Variants in ANO4 observed in about 807,000 individuals in gnomAD.
The protein encoded by ANO4 is anoctamin 4.
Under a neutral mutation model 141.9 loss-of-function variants are expected in ANO4, and 69 were observed. The observed-to-expected ratio is 0.49, with a 90% CI of 0.40 to 0.59. The LOEUF is 0.59. ANO4 is among the 20% of genes least tolerant of loss of function. The pLI is 0.00. For synonymous variants in ANO4, 350 were observed against 394.3 expected (o/e 0.89, Z 1.33); for missense variants, 894 against 1,162.2 (o/e 0.77, Z 3.36).
intron 2 of ANO4, among the ~76,000 whole-genome samples, chr12:100,903,683 C>A (rs1229929893): frequency 6.6e-6 from 1 of 152,218 alleles, no homozygotes; most frequent in Non-Finnish European, 1.5e-5. Flanking sequence ...GTCAGGCTAT[C>A]TGCAAGGGCA....
intron 14 of ANO4, among the ~76,000 whole-genome samples, chr12:101,062,102 C>A (rs1450657282): frequency 6.6e-6 from 1 of 152,114 alleles, no homozygotes; most frequent in Non-Finnish European, 1.5e-5. Flanking sequence ...GATGCTGTTC[C>A]TTTCTGTTTG....
intron 24 of ANO4, among the ~76,000 whole-genome samples, chr12:101,112,930 G>T (rs576152273): frequency 6.6e-6 from 1 of 152,314 alleles, no homozygotes; most frequent in East Asian, 1.9e-4. Flanking sequence ...ATTTTGCCCA[G>T]GCATTTCTTT....
upstream of ANO4, chr12:100,717,405 G>A (rs12310954): frequency 0.18 from 66,676 of 369,716 alleles, 6,520 homozygotes; most frequent in East Asian, 0.29. Context: ...CAGCCGCGGA[G>A]CGCCCGGGCG....
intron 1 of ANO4, among the ~76,000 whole-genome samples, chr12:100,868,559 T>C: frequency 6.6e-6 from 1 of 152,186 alleles, no homozygotes; most frequent in East Asian, 1.9e-4. Context: ...CCCTTACTCT[T>C]GGGTTCCTTT....
At chr12:100,961,659 A>T (rs1385307819) in intron 5 of ANO4, among the ~76,000 whole-genome samples, 1 of 152,252 alleles carries the variant, frequency 6.6e-6, no homozygotes, top group Non-Finnish European at 1.5e-5. Context: ...CTAAGATATC[A>T]TTTAAACATA....
intron 2 of ANO4, among the ~76,000 whole-genome samples, chr12:100,919,097 A>G (rs1324843335): frequency 5.9e-5 from 9 of 152,328 alleles, no homozygotes; most frequent in African/African-American, 1.9e-4. Context: ...TTATGGAGCT[A>G]TAAAATGTGT....
intron 1 of ANO4, among the ~76,000 whole-genome samples, chr12:100,857,088 A>C (rs2038211830): frequency 6.6e-6 from 1 of 152,038 alleles, no homozygotes; most frequent in Non-Finnish European, 1.5e-5. Flanking sequence ...CAGTGGAAAA[A>C]CCATCATGGG....
rs567072199 is a variant in ANO4 at position 100,977,068 on chromosome 12, C to T, written c.602+2179C>T. 1.4e-3 allele frequency among the ~76,000 whole-genome samples: 207 copies of T among 152,312 alleles called. 2 individuals are homozygous for T. The highest frequency in any genetic ancestry group is 4.7e-3 in the African/African-American group (195 of 41,568). ...CACATTTATAAAATGATATTAACTT[C>T]TCCCCTGTATGGTTTATGTGAGGTT... On this transcript the variant is annotated intron_variant, in intron 7 of 27. Transcript: ENST00000392977.
chr12:101,066,281 G>C (rs1172037159), intron 14 of ANO4, among the ~76,000 whole-genome samples: 1 of 152,080 alleles, frequency 6.6e-6, no homozygotes, highest in Non-Finnish European at 1.5e-5. Flanking sequence ...ATATGAGAAA[G>C]AAATAAATGG....
intron 1 of ANO4, among the ~76,000 whole-genome samples, chr12:100,729,000 A>C (rs1244658677): frequency 6.6e-6 from 1 of 151,716 alleles, no homozygotes; most frequent in Non-Finnish European, 1.5e-5. Context: ...CTTCCCCGTC[A>C]GTGGAACCAC....
rs1054465481 is a variant in ANO4, at chr12:101,042,412, C to T, written c.1098C>T (p.Phe366=). 3 of 1,614,032 alleles carry T rather than the reference C, an allele frequency of 1.9e-6. No individual in the cohort carries two copies. The African/African-American group carries it at 4.0e-5, about 22-fold the overall frequency. ...WYTGMLFPAA[F]IGLFVFLYGV... is the part of the protein sequence containing the mutation. ...CCGGCATGCTCTTCCCAGCTGCCTT[C>T]ATTGGATTGTTTGTCTTTTTGTATG... Residue 366 remains phenylalanine (F), a synonymous_variant, in exon 12 of 28, where the codon TTC becomes TTT. Transcript: ENST00000392977.
chr12:100,988,872 G>GAAAAAGA (rs2044884338), intron 8 of ANO4, among the ~76,000 whole-genome samples: 1 of 65,042 alleles, frequency 1.5e-5, no homozygotes, highest in Non-Finnish European at 2.9e-5. Context: ...CTCTGTCTCA[G>GAAAAAGA]AAAAAAAAAA....
intron 1 of ANO4, among the ~76,000 whole-genome samples, chr12:100,730,559 A>G (rs373815018): frequency 5.3e-5 from 8 of 152,282 alleles, no homozygotes; most frequent in African/African-American, 1.7e-4. Context: ...CCTTTTTTAA[A>G]ACCAACGAAC....
At chr12:101,108,688 G>A (rs1292972194) in intron 22 of ANO4, among the ~76,000 whole-genome samples, 2 of 151,990 alleles carry the variant, frequency 1.3e-5, no homozygotes. Flanking sequence ...CATTCAAACA[G>A]CCAAATACTT....
chr12:100,991,306 G>A (rs911826691), intron 8 of ANO4, among the ~76,000 whole-genome samples: 1 of 152,008 alleles, frequency 6.6e-6, no homozygotes, highest in Non-Finnish European at 1.5e-5. Context: ...TGACATTAAT[G>A]GATTTAAATT....
At position 101,047,401 on chromosome 12, in the gene ANO4, T is replaced by A. The variant is rs867353589; in HGVS notation, c.1252-940T>A. Among the ~76,000 whole-genome samples the A allele has an allele frequency of 6.6e-4, 100 of 152,286 alleles. 3 individuals carry two copies. The Middle Eastern group carries it at 0.014, about 21-fold the overall frequency. ...ATATGAAATAGATTAGCTTCAGACA[T>A]TTGTCTCACAGTAGGTATTTGAGTG... On this transcript the variant is annotated intron_variant, in intron 13 of 27. Coordinates refer to ENST00000392977, the MANE Select transcript of ANO4 (RefSeq NM_001286615.2).
At chr12:100,920,888 C>T (rs911928745) in intron 2 of ANO4, among the ~76,000 whole-genome samples, 6 of 152,086 alleles carry the variant, frequency 3.9e-5, no homozygotes, top group Non-Finnish European at 8.8e-5. Context: ...GTGCTGACTA[C>T]GTGACAACTA....
intron 2 of ANO4, among the ~76,000 whole-genome samples, chr12:100,907,183 A>G (rs537153518): frequency 1.0e-3 from 157 of 152,160 alleles, no homozygotes; most frequent in Admixed American, 3.0e-3. Flanking sequence ...GCCTCTCCCT[A>G]CTTTTCCAGG....
At chr12:100,760,618 C>T (rs2032812564) in intron 3 of ANO4, among the ~76,000 whole-genome samples, 1 of 152,192 alleles carries the variant, frequency 6.6e-6, no homozygotes, top group Non-Finnish European at 1.5e-5. Context: ...ATGCTTTATG[C>T]TGTGGAGTCT....
Sources: allele counts gnomAD v4.1 joint callset (sites outside exome capture counted in the v4.1 genomes callset), GRCh38; gene constraint gnomAD v4.1.1; transcripts MANE v1.5; gene names NCBI Gene and HGNC (gene_info 2026-07-23, HGNC 2026-07-21).